CNTNAP2: variants seen among roughly 807,000 people sequenced by gnomAD.
The protein encoded by CNTNAP2 is contactin-associated protein-like 2.
Under a neutral mutation model 155.2 loss-of-function variants are expected in CNTNAP2, and 98 were observed. The observed-to-expected ratio is 0.63, with a 90% CI of 0.54 to 0.75. The LOEUF (loss-of-function observed/expected upper bound fraction) is 0.75, where lower values mean the gene tolerates loss of function less well. Among genes scored for constraint, CNTNAP2 ranks in the 30% least tolerant of loss-of-function variants. The pLI, the probability that CNTNAP2 is intolerant of heterozygous loss-of-function variation, is 0.00. For missense variants in CNTNAP2, 1,727 were observed against 1,688.1 expected (o/e 1.02, Z -0.40); for synonymous variants, 651 against 631.2 (o/e 1.03, Z -0.47).
At chr7:147,487,190 C>T (rs6464815) in intron 11 of CNTNAP2, among the ~76,000 whole-genome samples, 23,415 of 151,874 alleles carry the variant, frequency 0.15, 1,996 homozygotes, top group East Asian at 0.3. Context: ...AAGTTGCACA[C>T]ATTTATTTGT....
At chr7:148,253,062 T>C (rs977763932) in intron 20 of CNTNAP2, among the ~76,000 whole-genome samples, 5 of 149,996 alleles carry the variant, frequency 3.3e-5, no homozygotes, top group Admixed American at 2.0e-4. Flanking sequence ...AGATGATAGA[T>C]AGATAGATAG....
At chr7:148,363,573 T>C (rs1396730264) in intron 21 of CNTNAP2, among the ~76,000 whole-genome samples, 7 of 152,192 alleles carry the variant, frequency 4.6e-5, no homozygotes, top group African/African-American at 1.7e-4. Flanking sequence ...GTACGTGTGT[T>C]TCCTTAGGGC....
In CNTNAP2 at chr7:147,504,702, C is replaced by A. The variant is rs370184161; in HGVS notation, c.1777+18661C>A. Among the ~76,000 whole-genome samples, 176 of 39,930 alleles carry A rather than the reference C, an allele frequency of 4.4e-3. 3 individuals carry two copies. Among genetic ancestry groups the A allele is most frequent in the Non-Finnish European group, 6.5e-3 (85 of 13,114 alleles). The allele number at this position is 39,930 out of a possible 152,430, so 26.2% of individuals were successfully genotyped here. On this transcript the variant is annotated intron_variant, in intron 11 of 23. Transcript: ENST00000361727. Reference sequence around the variant, plus strand: ...AGATTCTGTCTTAAAAAAAAAAAAACAAAAAACCTCTGAGAAAGACCATAT... The same window carrying A: ...AGATTCTGTCTTAAAAAAAAAAAAAAAAAAAACCTCTGAGAAAGACCATAT...
chr7:146,480,421 C>G (rs947906482), intron 1 of CNTNAP2, among the ~76,000 whole-genome samples: 2 of 151,900 alleles, frequency 1.3e-5, no homozygotes, highest in Non-Finnish European at 1.5e-5. Flanking sequence ...GATTATATAT[C>G]TTAAAATAAT....
intron 21 of CNTNAP2, among the ~76,000 whole-genome samples, chr7:148,326,821 T>C (rs891465427): frequency 6.7e-6 from 1 of 148,316 alleles, no homozygotes; most frequent in Admixed American, 6.8e-5. Flanking sequence ...GCCGAGATCG[T>C]GCCACTGCTC....
intron 1 of CNTNAP2, among the ~76,000 whole-genome samples, chr7:146,576,603 C>T (rs761909243): frequency 4.6e-5 from 7 of 152,256 alleles, no homozygotes; most frequent in East Asian, 1.9e-4. Flanking sequence ...AGTAACTCAC[C>T]GTTTTGTCAC....
At chr7:146,602,553 A>T (rs75189630) in intron 1 of CNTNAP2, among the ~76,000 whole-genome samples, 3,430 of 152,248 alleles carry the variant, frequency 0.023, 47 homozygotes, top group Middle Eastern at 0.048. Flanking sequence ...GGCATCTCTT[A>T]TTTCCTTTGT....
At chr7:146,218,540 CAAA>C (rs78215145) in intron 1 of CNTNAP2, among the ~76,000 whole-genome samples, 5 of 151,098 alleles carry the variant, frequency 3.3e-5, no homozygotes, top group African/African-American at 1.2e-4. Context: ...AACAAACAAA[CAAA>C]AAAAATTGCC....
chr7:148,330,807 A>ATGGG (rs1306513153), intron 21 of CNTNAP2, among the ~76,000 whole-genome samples: 2 of 130,354 alleles, frequency 1.5e-5, no homozygotes, highest in African/African-American at 6.0e-5. Flanking sequence ...GGATGGATGG[A>ATGGG]TGGAGTGGAG....
chr7:146,434,160 T>C (rs927108945), intron 1 of CNTNAP2, among the ~76,000 whole-genome samples: 2 of 152,136 alleles, frequency 1.3e-5, no homozygotes, highest in African/African-American at 4.8e-5. Context: ...AACTGCTTTT[T>C]TTATGGCCAG....
At chr7:146,210,621 T>G (rs1002012012) in intron 1 of CNTNAP2, among the ~76,000 whole-genome samples, 2 of 152,144 alleles carry the variant, frequency 1.3e-5, no homozygotes, top group Admixed American at 1.3e-4. Flanking sequence ...ACTGTTAATA[T>G]AGTTTTCCAC....
chr7:148,391,182 T>C (rs769939485), intron 22 of CNTNAP2, among the ~76,000 whole-genome samples: 2 of 152,210 alleles, frequency 1.3e-5, no homozygotes, highest in African/African-American at 2.4e-5. Flanking sequence ...AATTACTCAG[T>C]AGGGATGTAA....
chr7:146,444,877 G>A (rs573053039), intron 1 of CNTNAP2, among the ~76,000 whole-genome samples: 6 of 151,138 alleles, frequency 4.0e-5, no homozygotes, highest in African/African-American at 9.7e-5. Flanking sequence ...GGCTGGTCTC[G>A]AACTCCTGGC....
At chr7:146,841,159 G>A (rs111911356) in intron 3 of CNTNAP2, among the ~76,000 whole-genome samples, 2,351 of 152,282 alleles carry the variant, frequency 0.015, 51 homozygotes, top group African/African-American at 0.05. Flanking sequence ...TTGGTCTAAG[G>A]TGCAGCCTGG....
At chr7:147,686,802 T>A (rs1164647037) in intron 13 of CNTNAP2, among the ~76,000 whole-genome samples, 2 of 151,766 alleles carry the variant, frequency 1.3e-5, no homozygotes, top group African/African-American at 4.8e-5. Flanking sequence ...AGGCAGTACA[T>A]TTTTGCTTAA....
chr7:146,393,000 T>A (rs1281687222), intron 1 of CNTNAP2, among the ~76,000 whole-genome samples: 1 of 152,176 alleles, frequency 6.6e-6, no homozygotes, highest in Admixed American at 6.5e-5. Context: ...CCCAGACCAA[T>A]GACAGCAAAT....
At chr7:146,933,535 C>T (rs1379209341) in intron 3 of CNTNAP2, among the ~76,000 whole-genome samples, 1 of 150,806 alleles carries the variant, frequency 6.6e-6, no homozygotes, top group African/African-American at 2.4e-5. Flanking sequence ...TGGGCAAGGA[C>T]TTCATGTCTA....
chr7:146,335,389 C>T (rs1485985207), intron 1 of CNTNAP2, among the ~76,000 whole-genome samples: 1 of 152,136 alleles, frequency 6.6e-6, no homozygotes, highest in East Asian at 1.9e-4. Context: ...AGAAAAATGT[C>T]CCTCGAGATT....
chr7:147,670,519 A>G (rs1329344881), intron 13 of CNTNAP2, among the ~76,000 whole-genome samples: 3 of 152,168 alleles, frequency 2.0e-5, no homozygotes, highest in Admixed American at 2.0e-4. Flanking sequence ...CCTCATACTC[A>G]ACCAGCAGAG....
Sources: allele counts gnomAD v4.1 joint callset (sites outside exome capture counted in the v4.1 genomes callset), GRCh38; gene constraint gnomAD v4.1.1; transcripts MANE v1.5; gene names NCBI Gene and HGNC (gene_info 2026-07-23, HGNC 2026-07-21).